Variants in MS4A2 observed in about 807,000 individuals in gnomAD.
MS4A2 encodes the protein high affinity immunoglobulin epsilon receptor subunit beta.
Under a neutral mutation model 27.9 loss-of-function variants are expected in MS4A2, and 26 were observed. The ratio of observed to expected loss-of-function variants is 0.93; its 90% CI spans 0.68 to 1.29. The LOEUF is 1.29. MS4A2 is among the 50% of genes most tolerant of loss of function. MS4A2 has a pLI of 0.00. For missense variants in MS4A2, 284 were observed against 284.6 expected, an observed-to-expected ratio of 1.00 and a Z score of 0.01; for synonymous variants, 110 against 98.8, an observed-to-expected ratio of 1.11 and a Z score of -0.67.
In MS4A2 at chr11:60,097,094, T is replaced by C. The variant is rs555544607; in HGVS notation, c.*1438T>C. On this transcript the variant is annotated 3_prime_UTR_variant, in exon 7 of 7. Coordinates refer to ENST00000278888, the MANE Select transcript of MS4A2 (RefSeq NM_000139.5). ...AGGTTTGGTGTCATTATAAGAGAAA[T>C]CATTATTAAATGAAGCAAGTTAACA... 3.3e-5 allele frequency: 5 copies of C among 152,078 alleles called. No homozygotes were observed. The highest frequency in any genetic ancestry group is 1.2e-4 in the African/African-American group (5 of 41,500). 9.4% of individuals were successfully genotyped at this position (152,078 alleles called of 1,614,324 possible). A position where few individuals can be genotyped will look rare whatever the true frequency, so the allele number is the denominator to read the frequency against.
In MS4A2 at chr11:60,090,227, A is replaced by T. The variant is rs1247485327; in HGVS notation, c.187-109A>T. ...TTACGTGTGGATCATTTCTCAGGAC[A>T]GTCTAGGACACTAACGCAGTTTCTC... On this transcript the variant is annotated intron_variant, in intron 2 of 6. Transcript: ENST00000278888. 67 of 1,098,922 alleles carry T rather than the reference A, an allele frequency of 6.1e-5. 1 individual carries two copies. The highest frequency in any genetic ancestry group is 8.5e-5 in the Non-Finnish European group (62 of 729,292). 68.1% of individuals were successfully genotyped at this position (1,098,922 alleles called of 1,614,324 possible). A position where few individuals can be genotyped will look rare whatever the true frequency, so the allele number is the denominator to read the frequency against.
intron 5 of MS4A2, 173 bp downstream of exon 5, chr11:60,093,731 C>A (rs1855814086): frequency 4.0e-6 from 4 of 995,578 alleles, no homozygotes; most frequent in Non-Finnish European, 6.2e-6. Context: ...CTCCCCTCAA[C>A]CCAGGCAAAT....
At chr11:60,091,138 C>A (rs1007776910) in intron 3 of MS4A2, among the ~76,000 whole-genome samples, 1 of 151,948 alleles carries the variant, frequency 6.6e-6, no homozygotes, top group East Asian at 1.9e-4. Flanking sequence ...GCAATAAGAG[C>A]GAAACTCTGT....
At position 60,089,782 on chromosome 11, in the gene MS4A2, A is replaced by G. The variant is rs761502399; in HGVS notation, c.147A>G (p.Thr49=). 44 of 1,614,162 alleles carry G rather than the reference A, an allele frequency of 2.7e-5. No individual in the cohort carries two copies. Among genetic ancestry groups the G allele is most frequent in the Non-Finnish European group, 3.7e-5 (44 of 1,180,010 alleles). Residue 49 remains threonine, a synonymous_variant, in exon 2 of 7, where the codon ACA becomes ACG. Coordinates refer to ENST00000278888, the MANE Select transcript of MS4A2 (RefSeq NM_000139.5). ...LKSASSPPLH[T]WLTVLKKEQE... is the part of the protein sequence containing the mutation. Reference sequence around the variant, plus strand: ...CGGCCTCATCCCCACCACTGCATACATGGCTGACAGTTTTGAAAAAAGAGC... The same window carrying G: ...CGGCCTCATCCCCACCACTGCATACGTGGCTGACAGTTTTGAAAAAAGAGC...
At position 60,095,909 on chromosome 11, in the gene MS4A2, ACAT is replaced by A. The variant is rs1381342123; in HGVS notation, c.*254_*256del. ...CACACACATCTCTGCTGGAAAGTCA[ACAT>A]GTAGTAAGCAAGATTTAACTGTTTG... On this transcript the variant is annotated 3_prime_UTR_variant, in exon 7 of 7. Transcript: ENST00000278888. The A allele has an allele frequency of 1.0e-5, 5 of 490,194 alleles. No individual in the cohort carries two copies. The highest frequency in any genetic ancestry group is 9.8e-5 in the African/African-American group (5 of 51,270). The allele number at this position is 490,194 out of a possible 1,614,324, so 30.4% of individuals were successfully genotyped here. A position where few individuals can be genotyped will look rare whatever the true frequency, so the allele number is the denominator to read the frequency against.
At chr11:60,094,284 G>T (rs769552142) in intron 6 of MS4A2, among the ~76,000 whole-genome samples, 1 of 152,164 alleles carries the variant, frequency 6.6e-6, no homozygotes, top group African/African-American at 2.4e-5. Context: ...TGGGATAATA[G>T]GATCTGTATA....
chr11:60,096,023 GGT>G lies in MS4A2; in HGVS notation c.*368_*369del. 4.1e-6 allele frequency: 1 copy of G among 245,588 alleles called. No homozygotes were observed. Among genetic ancestry groups the G allele is most frequent in the Non-Finnish European group, 7.9e-6 (1 of 126,518 alleles). 15.2% of individuals were successfully genotyped at this position (245,588 alleles called of 1,614,324 possible). A position where few individuals can be genotyped will look rare whatever the true frequency, so the allele number is the denominator to read the frequency against. On this transcript the variant is annotated 3_prime_UTR_variant, in exon 7 of 7. Coordinates refer to ENST00000278888, the MANE Select transcript of MS4A2 (RefSeq NM_000139.5). ...CAGTTTGATAATATTTGGTTCTTAG[GGT>G]TTTTTTTTTTTTTTAGCATTCTTAA...
chr11:60,088,880 A>T, intron 1 of MS4A2, 59 bp downstream of exon 1: 1 of 1,509,700 alleles, frequency 6.6e-7, no homozygotes, highest in Non-Finnish European at 9.1e-7. Context: ...GGGAAGTCAT[A>T]GTCACGGTGC....
In MS4A2 at chr11:60,095,458, A is replaced by G. The variant is rs114632778; in HGVS notation, c.637-100A>G. On this transcript the variant is annotated intron_variant, in intron 6 of 6. Coordinates refer to ENST00000278888, the MANE Select transcript of MS4A2 (RefSeq NM_000139.5). ...AGAGTTTAATGACAGAGAGCGTGAG[A>G]CCCAGAAAGACAAAAGTAGATGAGG... is the stretch of plus-strand genomic sequence containing the variant. The G allele has an allele frequency of 1.2e-4, 91 of 773,518 alleles. No individual in the cohort carries two copies. The African/African-American group carries it at 1.4e-3, about 12-fold the overall frequency. 47.9% of individuals were successfully genotyped at this position (773,518 alleles called of 1,614,324 possible). A position where few individuals can be genotyped will look rare whatever the true frequency, so the allele number is the denominator to read the frequency against.
chr11:60,093,809 TG>T (rs1855816293), intron 5 of MS4A2, 154 bp from the exon 6 acceptor site: 2 of 625,982 alleles, frequency 3.2e-6, no homozygotes, highest in Non-Finnish European at 5.8e-6. Context: ...TGTTTGTGTG[TG>T]TGTGTGTGTG....
At chr11:60,094,088 T>C (rs772840008) in intron 6 of MS4A2, 26 bp downstream of exon 6, 2 of 1,490,928 alleles carry the variant, frequency 1.3e-6, no homozygotes, top group South Asian at 1.1e-5. Flanking sequence ...ATATAAAATC[T>C]TGAATGACAG....
Position 60,090,452 on chromosome 11 carries a change from A to G in MS4A2, c.303A>G (p.Pro101=), listed in dbSNP as rs1590631104. The change falls in exon 3 of 7, where the codon CCA becomes CCG. Residue 101 remains proline (P), a synonymous_variant. Transcript: ENST00000278888. ...TTTCATCATTTAAAGCAGGTTATCC[A>G]TTCTGGGGAGCCATATTTGTGAGTA... ...DIFSSFKAGY[P]FWGAIFFSIS... 6.2e-7 allele frequency: 1 copy of G among 1,613,036 alleles called. No homozygotes were observed.
rs1855886080 is a variant in MS4A2, at chr11:60,097,280, A to G, written c.*1624A>G. The stretch of plus-strand genomic sequence containing the variant: ...AGAGAGCAGGTAGCCCAAAATAGAG[A>G]AAGATTAGATAAAGAGAAAATAAGT... On this transcript the variant is annotated 3_prime_UTR_variant, in exon 7 of 7. Transcript: ENST00000278888. 6.6e-6 allele frequency: 1 copy of G among 152,224 alleles called. No homozygotes were observed. Among genetic ancestry groups the G allele is most frequent in the Non-Finnish European group, 1.5e-5 (1 of 68,048 alleles). 9.4% of individuals were successfully genotyped at this position (152,224 alleles called of 1,614,324 possible).
chr11:60,093,802 T>TTGTGTGTGTGTGTG lies in MS4A2; in HGVS notation c.538-140_538-127dup, dbSNP rs60162275. 1,496 of 640,128 alleles carry TTGTGTGTGTGTGTG rather than the reference T, an allele frequency of 2.3e-3. 8 individuals carry two copies. Among genetic ancestry groups the TTGTGTGTGTGTGTG allele is most frequent in the East Asian group, 0.011 (391 of 35,266 alleles). The allele number at this position is 640,128 out of a possible 1,614,324, so 39.7% of individuals were successfully genotyped here. ...TCTCTGGGTTTTTCTGTGCCTGTGT[T>TTGTGTGTGTGTGTG]TGTGTGTGTGTGTGTGTGTGTGTGT... On this transcript the variant is annotated intron_variant, in intron 5 of 6. Transcript: ENST00000278888.
chr11:60,094,875 C>CGTG (rs1408840592), intron 6 of MS4A2, among the ~76,000 whole-genome samples: 1 of 152,088 alleles, frequency 6.6e-6, no homozygotes, highest in East Asian at 1.9e-4. Context: ...ATTAGCCCAG[C>CGTG]GTGGTGGCAG....
upstream of MS4A2, chr11:60,088,611 TATC>T (rs1855691699): frequency 6.1e-6 from 9 of 1,484,192 alleles, no homozygotes; most frequent in South Asian, 1.2e-4. Flanking sequence ...CCAAGAAACT[TATC>T]TGTCTGGCAA....
Position 60,093,411 on chromosome 11 carries a change from C to G in MS4A2, c.390C>G (p.Ser130Arg). Residue 130 changes from serine to arginine, a missense_variant, in exon 5 of 7, where the codon AGC becomes AGG. Physicochemically the swap from Ser to Arg is moderately radical, Grantham distance 110 (BLOSUM62 -1). Transcript: ENST00000278888. ...RRNATYLVRG[S>R]LGANTASSIA... Reference sequence around the variant, plus strand: ...TTCATTATTATCAGGTGAGAGGAAGCCTGGGAGCAAACACTGCCAGCAGCA... The same window carrying G: ...TTCATTATTATCAGGTGAGAGGAAGGCTGGGAGCAAACACTGCCAGCAGCA... 1.2e-6 allele frequency: 2 copies of G among 1,614,132 alleles called. No individual in the cohort carries two copies. The highest frequency in any genetic ancestry group is 1.7e-6 in the Non-Finnish European group (2 of 1,180,022).
rs976226095 is a variant in MS4A2 at position 60,098,334 on chromosome 11, C to G, written c.*2678C>G. 6.6e-6 allele frequency: 1 copy of G among 152,132 alleles called. No homozygotes were observed. The highest frequency in any genetic ancestry group is 1.5e-5 in the Non-Finnish European group (1 of 68,020). The allele number at this position is 152,132 out of a possible 1,614,324, so 9.4% of individuals were successfully genotyped here. A position where few individuals can be genotyped will look rare whatever the true frequency, so the allele number is the denominator to read the frequency against. ...ACTGAATGAACACCTTTTCATCCAG[C>G]CTTAATTTCTTGCTCCATAACTACT... On this transcript the variant is annotated 3_prime_UTR_variant, in exon 7 of 7. Transcript: ENST00000278888.
chr11:60,092,974 T>G, intron 4 of MS4A2, 126 bp downstream of exon 4: 1 of 986,304 alleles, frequency 1.0e-6, no homozygotes, highest in South Asian at 1.4e-5. Context: ...TGATTTTGTT[T>G]CAATCTATTT....
Sources: gnomAD v4.1 joint callset for allele counts (sites outside exome capture counted in the v4.1 genomes callset) on GRCh38, gnomAD v4.1.1 for gene constraint, MANE v1.5 for transcripts, NCBI Gene and HGNC (gene_info 2026-07-23, HGNC 2026-07-21) for gene names.